FBXL17: variants seen among roughly 807,000 people sequenced by gnomAD.
FBXL17 encodes F-box/LRR-repeat protein 17.
A neutral mutation model predicts 66.2 loss-of-function variants in FBXL17; 22 were observed. That is an observed-to-expected ratio of 0.33 (90% CI 0.24 to 0.47). The LOEUF is 0.47. FBXL17 is among the 20% of genes least tolerant of loss of function. FBXL17 has a pLI of 1.00. For missense variants in FBXL17, 878 were observed against 948.2 expected, an observed-to-expected ratio of 0.93 and a Z score of 0.97; for synonymous variants, 474 against 400.5, an observed-to-expected ratio of 1.18 and a Z score of -2.19.
At position 108,096,368 on chromosome 5, in the gene FBXL17, C is replaced by T. The variant is rs541878317; in HGVS notation, c.1746-75367G>A. The stretch of plus-strand genomic sequence containing the variant: ...AATTTAGGCAGTTAACCACATAGGA[C>T]GATCTTAGTGTTACAAGGCCCATTT... On this transcript the variant is annotated intron_variant, in intron 6 of 8. Coordinates refer to ENST00000542267, the MANE Select transcript of FBXL17 (RefSeq NM_001163315.3). Among the ~76,000 whole-genome samples the T allele has an allele frequency of 3.9e-5, 6 of 152,216 alleles. No homozygotes were observed. In the South Asian group the frequency reaches 6.2e-4, roughly 16 times the overall value.
At chr5:108,027,702 A>G (rs1472540987) in intron 6 of FBXL17, among the ~76,000 whole-genome samples, 1 of 152,108 alleles carries the variant, frequency 6.6e-6, no homozygotes, top group African/African-American at 2.4e-5. Context: ...GCAAAGTCAT[A>G]TTACTATCTC....
At chr5:108,108,526 A>G (rs1749901099) in intron 6 of FBXL17, among the ~76,000 whole-genome samples, 1 of 152,228 alleles carries the variant, frequency 6.6e-6, no homozygotes, top group Non-Finnish European at 1.5e-5. Context: ...TGAAGTTGTT[A>G]TGTCTAAGAA....
At chr5:108,326,978 T>C (rs965303651) in intron 4 of FBXL17, among the ~76,000 whole-genome samples, 1 of 152,208 alleles carries the variant, frequency 6.6e-6, no homozygotes, top group Non-Finnish European at 1.5e-5. Flanking sequence ...TTAAAATTTA[T>C]TCAAGAGAAA....
chr5:107,978,626 C>A (rs771983564), intron 7 of FBXL17, among the ~76,000 whole-genome samples: 4 of 152,114 alleles, frequency 2.6e-5, no homozygotes, highest in Admixed American at 6.5e-5. Context: ...ATGGCCCTGA[C>A]CCAGAGGCTG....
At chr5:107,885,983 A>G (rs1387923870) in intron 7 of FBXL17, among the ~76,000 whole-genome samples, 3 of 152,200 alleles carry the variant, frequency 2.0e-5, no homozygotes, top group African/African-American at 7.2e-5. Flanking sequence ...GAAGAGGAAT[A>G]CAAACAGTAA....
intron 6 of FBXL17, among the ~76,000 whole-genome samples, chr5:108,021,311 TATA>T (rs1294910735): frequency 5.4e-5 from 8 of 149,284 alleles, no homozygotes; most frequent in South Asian, 2.1e-4. Flanking sequence ...ATATTATTTA[TATA>T]ATAATAATTT....
intron 5 of FBXL17, among the ~76,000 whole-genome samples, chr5:108,196,787 T>TA (rs74855368): frequency 0.043 from 6,561 of 152,206 alleles, 773 homozygotes; most frequent in East Asian, 0.39. Flanking sequence ...CATTAAATAA[T>TA]AAAAAACTAC....
intron 4 of FBXL17, among the ~76,000 whole-genome samples, chr5:108,296,907 T>C (rs556501471): frequency 1.3e-5 from 2 of 151,580 alleles, no homozygotes; most frequent in Non-Finnish European, 3.0e-5. Flanking sequence ...TTTTTGTTTT[T>C]AATATACCTA....
rs1188983413 is a variant in FBXL17 at position 108,369,053 on chromosome 5, G to C, written c.994-1100C>G. Among the ~76,000 whole-genome samples, 4 of 152,116 alleles carry C rather than the reference G, an allele frequency of 2.6e-5. No homozygotes were observed. In the East Asian group the frequency reaches 7.7e-4, roughly 29 times the overall value. On this transcript the variant is annotated intron_variant, in intron 1 of 8. Transcript: ENST00000542267. ...TGTAAATTGATAGCTTCTCTTCACA[G>C]ATATGGGACAAATGACAGACAGAAC...
chr5:108,273,733 T>C (rs1038507815), intron 4 of FBXL17, among the ~76,000 whole-genome samples: 7 of 152,172 alleles, frequency 4.6e-5, no homozygotes, highest in Non-Finnish European at 1.0e-4. Flanking sequence ...ATTTGATATA[T>C]GCAGAAAGGA....
intron 6 of FBXL17, among the ~76,000 whole-genome samples, chr5:108,083,250 C>CACACACACACACACACAG (rs369652150): frequency 9.9e-4 from 144 of 145,678 alleles, no homozygotes; most frequent in Non-Finnish European, 1.2e-3. Context: ...CACACACACA[C>CACACACACACACACACAG]AGAGAGAGAG....
chr5:108,109,406 A>G (rs1028204443), intron 6 of FBXL17, among the ~76,000 whole-genome samples: 2 of 152,156 alleles, frequency 1.3e-5, no homozygotes, highest in African/African-American at 4.8e-5. Context: ...CTCAACAGAC[A>G]AGACTTGGTA....
chr5:107,984,864 A>G (rs1752958282), intron 7 of FBXL17, among the ~76,000 whole-genome samples: 1 of 152,206 alleles, frequency 6.6e-6, no homozygotes, highest in Non-Finnish European at 1.5e-5. Context: ...TAGAATCCTT[A>G]TATGTGCATT....
At chr5:107,938,431 T>G (rs1750980053) in intron 7 of FBXL17, among the ~76,000 whole-genome samples, 2 of 152,048 alleles carry the variant, frequency 1.3e-5, no homozygotes, top group Admixed American at 6.6e-5. Context: ...GAACCTAGGG[T>G]GAAAGGGGTT....
chr5:108,158,941 G>A (rs1752103205), intron 6 of FBXL17, among the ~76,000 whole-genome samples: 1 of 152,018 alleles, frequency 6.6e-6, no homozygotes, highest in Non-Finnish European at 1.5e-5. Context: ...TACCAGAAGA[G>A]ATAAATATAG....
At chr5:108,199,566 G>A (rs555937352) in intron 5 of FBXL17, among the ~76,000 whole-genome samples, 4 of 152,210 alleles carry the variant, frequency 2.6e-5, no homozygotes, top group African/African-American at 7.2e-5. Flanking sequence ...CTGAGCTTAC[G>A]TTTCTAGCTA....
chr5:108,169,974 A>G (rs1223726120), intron 6 of FBXL17, among the ~76,000 whole-genome samples: 2 of 152,220 alleles, frequency 1.3e-5, no homozygotes, highest in Admixed American at 1.3e-4. Flanking sequence ...ATTCTAAAAA[A>G]TTTATAATCC....
At chr5:108,080,457 C>G (rs907341612) in intron 6 of FBXL17, among the ~76,000 whole-genome samples, 2 of 152,204 alleles carry the variant, frequency 1.3e-5, no homozygotes, top group East Asian at 3.9e-4. Context: ...GAGTCATATA[C>G]CAAAATTCAT....
At chr5:108,197,800 C>A (rs1753737933) in intron 5 of FBXL17, among the ~76,000 whole-genome samples, 1 of 152,154 alleles carries the variant, frequency 6.6e-6, no homozygotes, top group African/African-American at 2.4e-5. Flanking sequence ...TATCTACACT[C>A]TCAAATAAAA....
Sources: allele counts gnomAD v4.1 joint callset (sites outside exome capture counted in the v4.1 genomes callset), GRCh38; gene constraint gnomAD v4.1.1; transcripts MANE v1.5; gene names NCBI Gene and HGNC (gene_info 2026-07-23, HGNC 2026-07-21).